The following QTRT2 variants were observed in gnomAD, a reference collection of about 807,000 sequenced individuals.
QTRT2 encodes queuine tRNA-ribosyltransferase domain containing 1.
A neutral mutation model predicts 44.8 loss-of-function variants in QTRT2; 32 were observed. The observed-to-expected ratio is 0.71, with a 90% CI of 0.54 to 0.96. The LOEUF (loss-of-function observed/expected upper bound fraction) is 0.96, where lower values mean the gene tolerates loss of function less well. Among genes scored for constraint, QTRT2 ranks in the 40% least tolerant of loss-of-function variants. The probability of loss-of-function intolerance (pLI) is 0.00; values close to 1 mark genes in which losing one functional copy is unlikely to be tolerated. For missense variants in QTRT2, 461 were observed against 503.1 expected (o/e 0.92, Z 0.80); for synonymous variants, 182 against 187.4 (o/e 0.97, Z 0.24).
At chr3:114,082,605 A>G (rs1490714085) in intron 8 of QTRT2, 72 bp from the exon 9 acceptor site, 14 of 582,520 alleles carry the variant, frequency 2.4e-5, no homozygotes, top group Non-Finnish European at 2.7e-5. Context: ...AATAATAACT[A>G]AAATAAAATG....
chr3:114,066,412 T>A, intron 4 of QTRT2, 129 bp downstream of exon 4: 1 of 611,390 alleles, frequency 1.6e-6, no homozygotes. Flanking sequence ...TTTGAACATC[T>A]AAGAGCCAGG....
intron 8 of QTRT2, 108 bp downstream of exon 8, chr3:114,080,165 C>G: frequency 2.4e-6 from 2 of 841,166 alleles, no homozygotes; most frequent in Non-Finnish European, 3.7e-6. Context: ...CAGTCTTTTA[C>G]AAAACTACAT....
chr3:114,070,558 A>G, intron 5 of QTRT2, 68 bp from the exon 6 acceptor site: 4 of 1,340,956 alleles, frequency 3.0e-6, no homozygotes, highest in South Asian at 1.2e-5. Context: ...TTGCTTTATC[A>G]TTTTAATTAT....
Position 114,065,257 on chromosome 3 carries a change from G to A in QTRT2, c.-1G>A. On this transcript the variant is annotated 5_prime_UTR_variant, in exon 3 of 10. Transcript: ENST00000281273. The stretch of plus-strand genomic sequence containing the variant: ...GACAGGACCTAGAAGAATCCCTTAG[G>A]ATGAAGCTGAGTCTTACCAAGGTAG... 1 of 1,613,786 alleles carries A rather than the reference G, an allele frequency of 6.2e-7. No individual in the cohort carries two copies. Among genetic ancestry groups the A allele is most frequent in the South Asian group, 1.1e-5 (1 of 91,084 alleles).
intron 9 of QTRT2, chr3:114,083,046 A>G: frequency 4.4e-6 from 2 of 449,476 alleles, no homozygotes; most frequent in Non-Finnish European, 8.3e-6. Context: ...ATTAAACCAA[A>G]TCCATTGTTT....
chr3:114,057,200 C>A, intron 2 of QTRT2, 94 bp downstream of exon 2: 1 of 458,386 alleles, frequency 2.2e-6, no homozygotes, highest in Non-Finnish European at 3.2e-6. Flanking sequence ...GGTCTGGGGC[C>A]ATGGAGATGG....
rs1282245368 is a variant in QTRT2 at position 114,085,922 on chromosome 3, T to C, written c.*18T>C. ...CATCTTGAGATCTTGCAAATACAAG[T>C]CTCACTCTTCACACTGAGCCTGTAC... On this transcript the variant is annotated 3_prime_UTR_variant, in exon 10 of 10. Coordinates refer to ENST00000281273, the MANE Select transcript of QTRT2 (RefSeq NM_024638.4). The C allele has an allele frequency of 6.4e-7, 1 of 1,568,868 alleles. No individual in the cohort carries two copies. The highest frequency in any genetic ancestry group is 1.7e-5 in the Admixed American group (1 of 59,936).
intron 2 of QTRT2, among the ~76,000 whole-genome samples, chr3:114,059,461 T>C (rs1241698557): frequency 6.6e-6 from 1 of 152,262 alleles, no homozygotes; most frequent in Admixed American, 6.5e-5. Context: ...AATATGTGTA[T>C]GTGTGTGTAC....
chr3:114,081,934 C>T (rs573577025), intron 8 of QTRT2, among the ~76,000 whole-genome samples: 4 of 152,290 alleles, frequency 2.6e-5, no homozygotes, highest in South Asian at 4.1e-4. Flanking sequence ...CCCTTAACTA[C>T]TTGTCCCTGT....
rs2077260042 is a variant in QTRT2, at chr3:114,088,091, T to C, written c.*2187T>C. The C allele has an allele frequency of 6.6e-6, 1 of 152,168 alleles. No homozygotes were observed. Among genetic ancestry groups the C allele is most frequent in the Non-Finnish European group, 1.5e-5 (1 of 68,034 alleles). The allele number at this position is 152,168 out of a possible 1,614,324, so 9.4% of individuals were successfully genotyped here. ...TTCCAAAGATCTGATTGTTTTGAAA[T>C]GTGTTAGATTGGACTTGTTCAAATG... On this transcript the variant is annotated 3_prime_UTR_variant, in exon 10 of 10. Coordinates refer to ENST00000281273, the MANE Select transcript of QTRT2 (RefSeq NM_024638.4).
At chr3:114,080,593 A>C (rs2077154684) in intron 8 of QTRT2, among the ~76,000 whole-genome samples, 1 of 152,186 alleles carries the variant, frequency 6.6e-6, no homozygotes, top group Non-Finnish European at 1.5e-5. Context: ...AGAAGTTAAG[A>C]AAGTCAGTTT....
In QTRT2 at chr3:114,057,093, G is replaced by A. The variant is rs1392230027; in HGVS notation, c.-35G>A. 8 of 1,357,494 alleles carry A rather than the reference G, an allele frequency of 5.9e-6. No homozygotes were observed. The highest frequency in any genetic ancestry group is 7.6e-6 in the Non-Finnish European group (8 of 1,057,570). 84.1% of individuals were successfully genotyped at this position (1,357,494 alleles called of 1,614,324 possible). A position where few individuals can be genotyped will look rare whatever the true frequency, so the allele number is the denominator to read the frequency against. ...GAGATAAAAGGGCCCCTTTCGACTA[G>A]CCTCTGCTGAAAGGTAGAGTTTTCA... On this transcript the variant is annotated 5_prime_UTR_variant, in exon 2 of 10. Coordinates refer to ENST00000281273, the MANE Select transcript of QTRT2 (RefSeq NM_024638.4).
At chr3:114,068,100 G>T in intron 5 of QTRT2, 37 bp downstream of exon 5, 1 of 1,553,104 alleles carries the variant, frequency 6.4e-7, no homozygotes, top group South Asian at 1.1e-5. Flanking sequence ...CTGCAGCTTT[G>T]TCCCAGGAAG....
Position 114,082,697 on chromosome 3 carries a change from CAAG to C in QTRT2, c.925_927del (p.Glu309del). The C allele has an allele frequency of 6.8e-7, 1 of 1,481,078 alleles. No homozygotes were observed. The highest frequency in any genetic ancestry group is 1.2e-5 in the South Asian group (1 of 80,092). The allele number at this position is 1,481,078 out of a possible 1,614,324, so 91.7% of individuals were successfully genotyped here. A position where few individuals can be genotyped will look rare whatever the true frequency, so the allele number is the denominator to read the frequency against. On this transcript the variant is annotated inframe_deletion, in exon 9 of 10. Coordinates refer to ENST00000281273, the MANE Select transcript of QTRT2 (RefSeq NM_024638.4). The stretch of plus-strand genomic sequence containing the variant: ...TTCAGTACTACAACAAAATGGAACA[CAAG>C]AAGAAATAAAATGTATGGATCAAAT...
chr3:114,083,815 T>C (rs1176538969), intron 9 of QTRT2, among the ~76,000 whole-genome samples: 1 of 152,164 alleles, frequency 6.6e-6, no homozygotes, highest in Non-Finnish European at 1.5e-5. Flanking sequence ...AGGAGATAGA[T>C]TTGTTTTTGT....
At chr3:114,082,841 T>C (rs1438526509) in intron 9 of QTRT2, 47 bp downstream of exon 9, 1 of 846,326 alleles carries the variant, frequency 1.2e-6, no homozygotes, top group East Asian at 2.5e-5. Context: ...ACTTCTGAAT[T>C]TTAGTCTGTG....
In QTRT2 at chr3:114,086,154, G is replaced by A. The variant is rs976263948; in HGVS notation, c.*250G>A. 1 of 434,952 alleles carries A rather than the reference G, an allele frequency of 2.3e-6. No homozygotes were observed. The highest frequency in any genetic ancestry group is 2.3e-5 in the South Asian group (1 of 44,172). The allele number at this position is 434,952 out of a possible 1,614,324, so 26.9% of individuals were successfully genotyped here. ...TAAGACTTCTAGACTAATTCTTTTA[G>A]TTGATAGAGATTCATTTAGTCAAAG... On this transcript the variant is annotated 3_prime_UTR_variant, in exon 10 of 10. Transcript: ENST00000281273.
chr3:114,079,962 T>C lies in QTRT2; in HGVS notation c.803T>C (p.Val268Ala). 8.7e-6 allele frequency: 14 copies of C among 1,613,646 alleles called. No homozygotes were observed. Among genetic ancestry groups the C allele is most frequent in the Non-Finnish European group, 1.2e-5 (14 of 1,179,784 alleles). ...GTGCTCGAGTGTATTGAAAGAGGAG[T>C]GGACTTATTTGAGAGTTTTTTCCCT... ...DEVLECIERG[V>A]DLFESFFPYQ... Residue 268 changes from valine to alanine, a missense_variant, in exon 8 of 10, where the codon GTG (valine) becomes GCG (alanine). Physicochemically the swap from Val to Ala is moderately conservative, Grantham distance 64 (BLOSUM62 0). Coordinates refer to ENST00000281273, the MANE Select transcript of QTRT2 (RefSeq NM_024638.4).
At chr3:114,057,162 T>G (rs1025539312) in intron 2 of QTRT2, 56 bp downstream of exon 2, 2 of 952,716 alleles carry the variant, frequency 2.1e-6, no homozygotes, top group African/African-American at 3.4e-5. Context: ...TGGGACCGTC[T>G]TCAATCTCTG....
Sources: allele counts gnomAD v4.1 joint callset (sites outside exome capture counted in the v4.1 genomes callset), GRCh38; gene constraint gnomAD v4.1.1; transcripts MANE v1.5; gene names NCBI Gene and HGNC (gene_info 2026-07-23, HGNC 2026-07-21).